IL1RAPL1: variants seen among roughly 807,000 people sequenced by gnomAD.
IL1RAPL1 encodes the protein interleukin 1 receptor accessory protein like 1.
Under a neutral mutation model 48.4 loss-of-function variants are expected in IL1RAPL1, and 3 were observed. That is an observed-to-expected ratio of 0.06 (90% CI 0.03 to 0.16). The LOEUF (loss-of-function observed/expected upper bound fraction) is 0.16. IL1RAPL1 is among the 10% of genes least tolerant of loss of function. The probability of loss-of-function intolerance (pLI) is 1.00; values close to 1 mark genes in which losing one functional copy is unlikely to be tolerated. For missense variants in IL1RAPL1, 349 were observed against 530.6 expected (o/e 0.66, Z 3.36); for synonymous variants, 185 against 187.7 (o/e 0.99, Z 0.12).
At position 29,089,749 on chromosome X, in the gene IL1RAPL1, AATATATATATATATAT is replaced by A. The variant is rs1159198583; in HGVS notation, c.83-193166_83-193151del. Among the ~76,000 whole-genome samples, 74 of 16,978 alleles carry A rather than the reference AATATATATATATATAT, an allele frequency of 4.4e-3. 3 individuals are homozygous for A. In the Admixed American group the frequency reaches 0.052, roughly 12 times the overall value. The allele number at this position is 16,978 out of a possible 115,157, so 14.7% of individuals were successfully genotyped here. On this transcript the variant is annotated intron_variant, in intron 2 of 10. Transcript: ENST00000378993. ...TTCTACATGAAAGCAGAGAAATATG[AATATATATATATATAT>A]ATATATATATATATATATATATGTG...
At chrX:29,871,967 C>T (rs899261925) in intron 6 of IL1RAPL1, among the ~76,000 whole-genome samples, 11 of 111,342 alleles carry the variant, frequency 9.9e-5, no homozygotes, top group Non-Finnish European at 1.1e-4. Context: ...GTGATCCGCC[C>T]GCCTCAGCCT....
chrX:29,053,285 G>A (rs1164250877), intron 2 of IL1RAPL1, among the ~76,000 whole-genome samples: 2 of 111,789 alleles, frequency 1.8e-5, no homozygotes, highest in Non-Finnish European at 3.8e-5. Flanking sequence ...CCATTGATGG[G>A]CATTTAGGTT....
intron 2 of IL1RAPL1, among the ~76,000 whole-genome samples, chrX:28,792,055 A>T (rs776760930): frequency 8.9e-6 from 1 of 112,095 alleles, no homozygotes; most frequent in Non-Finnish European, 1.9e-5. Flanking sequence ...GTTTGATTTT[A>T]CGTATTAACC....
intron 2 of IL1RAPL1, among the ~76,000 whole-genome samples, chrX:29,149,938 T>G (rs1412155247): frequency 1.8e-5 from 2 of 111,798 alleles, no homozygotes; most frequent in Non-Finnish European, 3.8e-5. Flanking sequence ...TCAGAAGACC[T>G]CTTTTAATTC....
chrX:29,701,200 G>A (rs1156289469), intron 6 of IL1RAPL1, among the ~76,000 whole-genome samples: 1 of 112,095 alleles, frequency 8.9e-6, no homozygotes, highest in South Asian at 3.7e-4. Flanking sequence ...AGAAGATGGG[G>A]TCTGGAGCCA....
intron 5 of IL1RAPL1, among the ~76,000 whole-genome samples, chrX:29,420,651 G>A (rs909321599): frequency 1.3e-4 from 15 of 112,130 alleles, no homozygotes; most frequent in Non-Finnish European, 3.8e-5. Context: ...TTTGTCTTCA[G>A]CATTATTTAG....
chrX:29,271,264 T>C (rs1932037338), intron 2 of IL1RAPL1, among the ~76,000 whole-genome samples: 1 of 112,186 alleles, frequency 8.9e-6, no homozygotes, highest in African/African-American at 3.2e-5. Context: ...CAGTCTACCA[T>C]TGGTGGGCAT....
chrX:29,221,620 T>TACACACACACAC (rs35088625), intron 2 of IL1RAPL1, among the ~76,000 whole-genome samples: 53 of 79,515 alleles, frequency 6.7e-4, no homozygotes, highest in East Asian at 3.9e-3. Flanking sequence ...TACACACACA[T>TACACACACACAC]ACACACACAC....
intron 6 of IL1RAPL1, among the ~76,000 whole-genome samples, chrX:29,703,452 C>T (rs1014491013): frequency 1.8e-5 from 2 of 110,818 alleles, no homozygotes. Context: ...ACACCATTCT[C>T]CTGCCTTAGC....
intron 2 of IL1RAPL1, among the ~76,000 whole-genome samples, chrX:28,886,643 G>A (rs750813176): frequency 9.0e-6 from 1 of 110,635 alleles, no homozygotes; most frequent in South Asian, 3.9e-4. Flanking sequence ...TTCATTAATG[G>A]AAAAACGTTT....
intron 2 of IL1RAPL1, among the ~76,000 whole-genome samples, chrX:29,112,800 T>G (rs903553071): frequency 2.4e-4 from 24 of 101,624 alleles, no homozygotes; most frequent in Non-Finnish European, 4.6e-4. Context: ...TTGGTTTTTT[T>G]TTTTTTTTTT....
intron 2 of IL1RAPL1, among the ~76,000 whole-genome samples, chrX:29,196,872 T>C (rs111801428): frequency 1.9e-3 from 208 of 110,429 alleles, no homozygotes; most frequent in African/African-American, 6.6e-3. Context: ...TACTATACTA[T>C]TATATTAATA....
intron 5 of IL1RAPL1, among the ~76,000 whole-genome samples, chrX:29,488,305 G>A (rs186866641): frequency 1.2e-4 from 13 of 111,601 alleles, no homozygotes; most frequent in African/African-American, 4.2e-4. Flanking sequence ...GGGTGTGGGG[G>A]CGTGCGCCTG....
intron 6 of IL1RAPL1, among the ~76,000 whole-genome samples, chrX:29,674,534 T>A (rs1177178937): frequency 1.8e-5 from 2 of 112,270 alleles, no homozygotes; most frequent in African/African-American, 6.5e-5. Flanking sequence ...GGGCCAATGA[T>A]ATCCAAAAGT....
intron 2 of IL1RAPL1, among the ~76,000 whole-genome samples, chrX:29,132,261 T>C (rs1602072004): frequency 1.8e-5 from 2 of 110,857 alleles, no homozygotes; most frequent in Non-Finnish European, 3.8e-5. Context: ...TACAGTCATA[T>C]GCCACATAAT....
At chrX:29,610,188 G>A (rs1474714748) in intron 5 of IL1RAPL1, among the ~76,000 whole-genome samples, 1 of 111,656 alleles carries the variant, frequency 9.0e-6, no homozygotes, top group Admixed American at 9.5e-5. Context: ...TAAATCATAT[G>A]ACTTACCTGT....
chrX:28,721,046 A>G (rs1449956212), intron 1 of IL1RAPL1, among the ~76,000 whole-genome samples: 1 of 112,399 alleles, frequency 8.9e-6, no homozygotes, highest in African/African-American at 3.2e-5. Context: ...ATAGTGTCAC[A>G]ATAAACATAC....
At chrX:29,885,422 G>A (rs767881841) in intron 6 of IL1RAPL1, among the ~76,000 whole-genome samples, 17 of 111,737 alleles carry the variant, frequency 1.5e-4, no homozygotes, top group South Asian at 7.5e-4. Context: ...TCCCATGGGG[G>A]CGGAAAGTTT....
intron 2 of IL1RAPL1, among the ~76,000 whole-genome samples, chrX:29,166,062 G>A (rs922668281): frequency 2.7e-5 from 3 of 112,540 alleles, no homozygotes; most frequent in Non-Finnish European, 5.6e-5. Flanking sequence ...CTTTGCATAT[G>A]CATATAGATT....
Sources: allele counts gnomAD v4.1 joint callset (sites outside exome capture counted in the v4.1 genomes callset), GRCh38; gene constraint gnomAD v4.1.1; transcripts MANE v1.5; gene names NCBI Gene and HGNC (gene_info 2026-07-23, HGNC 2026-07-21).